HDAC4: variants seen among roughly 807,000 people sequenced by gnomAD.
The protein encoded by HDAC4 is histone deacetylase 4, also known as histone deacetylase A.
Under a neutral mutation model 135.1 loss-of-function variants are expected in HDAC4, and 16 were observed. That is an observed-to-expected ratio of 0.12 (90% confidence interval 0.08 to 0.18). The LOEUF (loss-of-function observed/expected upper bound fraction) is 0.18, where lower values mean the gene tolerates loss of function less well. HDAC4 is among the 10% of genes least tolerant of loss of function. HDAC4 has a pLI of 1.00. For synonymous variants in HDAC4, 685 were observed against 653.4 expected (o/e 1.05, Z -0.74); for missense variants, 1,143 against 1,511.8 (o/e 0.76, Z 4.05).
At chr2:239,219,157 GAC>G (rs900731769) in intron 3 of HDAC4, among the ~76,000 whole-genome samples, 2 of 148,010 alleles carry the variant, frequency 1.4e-5, no homozygotes, top group African/African-American at 5.0e-5. Flanking sequence ...CTGCTATAAA[GAC>G]ACATGCACAC....
chr2:239,303,975 C>A lies in HDAC4; in HGVS notation c.22+48703G>T, dbSNP rs762465822. On this transcript the variant is annotated intron_variant, in intron 2 of 26. Transcript: ENST00000543185. This position sits in a 1 kb window ranked among gnomAD's most constrained non-coding sequence, Gnocchi z 5.1. ...CAGGCCTCACCAGTCTTCATCTCAG[C>A]CCGCCAGGTCCTCTCGAGCCCCTGG... Among the ~76,000 whole-genome samples the A allele has an allele frequency of 2.2e-4, 33 of 152,302 alleles. 1 individual carries two copies. The highest frequency in any genetic ancestry group is 6.8e-3 in the Middle Eastern group (2 of 294).
intron 2 of HDAC4, among the ~76,000 whole-genome samples, chr2:239,255,692 T>G (rs1374355855): frequency 6.6e-6 from 1 of 152,190 alleles, no homozygotes; most frequent in East Asian, 1.9e-4. Flanking sequence ...TGAGTAACTC[T>G]GCACAACTCT....
intron 9 of HDAC4, among the ~76,000 whole-genome samples, chr2:239,138,612 C>A (rs11675700): frequency 0.13 from 19,404 of 152,250 alleles, 1,564 homozygotes; most frequent in Non-Finnish European, 0.18. Flanking sequence ...ACCCCTCCCA[C>A]CCCTGCCCTG....
intron 6 of HDAC4, among the ~76,000 whole-genome samples, chr2:239,157,205 A>C (rs951148565): frequency 2.0e-5 from 3 of 152,358 alleles, no homozygotes; most frequent in Admixed American, 6.5e-5. Flanking sequence ...TAGGCAGCTG[A>C]GACGGGGCAA....
chr2:239,367,660 C>T (rs1460734933), intron 1 of HDAC4, among the ~76,000 whole-genome samples: 2 of 152,122 alleles, frequency 1.3e-5, no homozygotes, highest in Admixed American at 6.5e-5. Flanking sequence ...ATGAAATTAC[C>T]TTCACATTAT....
At chr2:239,144,836 GCTGC>G in intron 7 of HDAC4, 122 bp from the exon 8 acceptor site, 1 of 972,342 alleles carries the variant, frequency 1.0e-6, no homozygotes, top group Non-Finnish European at 1.6e-6. Context: ...CTGCTGTGTT[GCTGC>G]AGGGGAGAGC....
rs1046042413 is a variant in HDAC4 at position 239,400,827 on chromosome 2, G to A, written c.-220+151C>T. The A allele has an allele frequency of 4.1e-5, 6 of 145,958 alleles. No individual in the cohort carries two copies. 9.0% of individuals were successfully genotyped at this position (145,958 alleles called of 1,614,324 possible). A position where few individuals can be genotyped will look rare whatever the true frequency, so the allele number is the denominator to read the frequency against. ...GCCGGGACGCGGCCACGGCGCCGCCGGGGGCCCAGGCTGGGAGGCTGTTCG... is the reference window on the plus strand; with the variant it reads ...GCCGGGACGCGGCCACGGCGCCGCCAGGGGCCCAGGCTGGGAGGCTGTTCG... On this transcript the variant is annotated intron_variant, in intron 1 of 26. Coordinates refer to ENST00000543185, the MANE Select transcript of HDAC4 (RefSeq NM_001378414.1). This position sits in a 1 kb window ranked among gnomAD's most constrained non-coding sequence, Gnocchi z 4.7.
intron 3 of HDAC4, among the ~76,000 whole-genome samples, chr2:239,200,273 C>T (rs74000505): frequency 0.035 from 5,290 of 152,224 alleles, 312 homozygotes; most frequent in African/African-American, 0.12. Context: ...AACGCCTGAA[C>T]GGTCATAACT....
intron 2 of HDAC4, among the ~76,000 whole-genome samples, chr2:239,322,305 C>G (rs960357883): frequency 6.6e-6 from 1 of 152,270 alleles, no homozygotes; most frequent in East Asian, 1.9e-4. Context: ...AAGCCTTACA[C>G]TTCAGAGCGC....
chr2:239,210,161 T>C (rs989270208), intron 3 of HDAC4, among the ~76,000 whole-genome samples: 2 of 152,190 alleles, frequency 1.3e-5, no homozygotes, highest in Non-Finnish European at 2.9e-5. Context: ...ATATTCATTA[T>C]AGCAGCATTA....
chr2:239,049,655 C>A lies in HDAC4; in HGVS notation c.*3442G>T, dbSNP rs2030521978. The A allele has an allele frequency of 6.6e-6, 1 of 152,500 alleles. No individual in the cohort carries two copies. The highest frequency in any genetic ancestry group is 2.1e-4 in the South Asian group (1 of 4,836). The allele number at this position is 152,500 out of a possible 1,614,324, so 9.4% of individuals were successfully genotyped here. A position where few individuals can be genotyped will look rare whatever the true frequency, so the allele number is the denominator to read the frequency against. On this transcript the variant is annotated 3_prime_UTR_variant, in exon 27 of 27. Coordinates refer to ENST00000543185, the MANE Select transcript of HDAC4 (RefSeq NM_001378414.1). The stretch of plus-strand genomic sequence containing the variant: ...AATCAAACTTGCTTTTGTGTCAGAC[C>A]ATTACGAAATGGTCCTTCCCCTTGC...
At chr2:239,089,369 C>T (rs2036279205) in intron 18 of HDAC4, among the ~76,000 whole-genome samples, 1 of 152,152 alleles carries the variant, frequency 6.6e-6, no homozygotes, top group Non-Finnish European at 1.5e-5. Context: ...CACTCTGTCA[C>T]CCAGGCTGGA....
chr2:239,061,933 C>T (rs962732475), intron 24 of HDAC4, among the ~76,000 whole-genome samples: 3 of 152,216 alleles, frequency 2.0e-5, no homozygotes, highest in African/African-American at 7.2e-5. Context: ...CTGCTTTGGG[C>T]ATGGTCTCAG....
chr2:239,363,931 A>G (rs577991366), intron 1 of HDAC4, among the ~76,000 whole-genome samples: 2 of 152,352 alleles, frequency 1.3e-5, no homozygotes, highest in Non-Finnish European at 2.9e-5. Context: ...GGTACTTTAC[A>G]AGACAGGATT....
intron 7 of HDAC4, among the ~76,000 whole-genome samples, chr2:239,154,204 G>A (rs1247633526): frequency 6.6e-6 from 1 of 152,042 alleles, no homozygotes; most frequent in African/African-American, 2.4e-5. Flanking sequence ...GGGAGTTTCT[G>A]GGAAGGCACG....
intron 2 of HDAC4, among the ~76,000 whole-genome samples, chr2:239,274,736 C>A (rs936865445): frequency 6.6e-6 from 1 of 152,134 alleles, no homozygotes; most frequent in African/African-American, 2.4e-5. Context: ...CGTGACTCAA[C>A]GGAGGGCAAG....
chr2:239,272,735 C>A (rs908127632), intron 2 of HDAC4, among the ~76,000 whole-genome samples: 1 of 152,228 alleles, frequency 6.6e-6, no homozygotes, highest in Non-Finnish European at 1.5e-5. Context: ...TGCACCCCTG[C>A]GCTGCTGCTG....
intron 3 of HDAC4, among the ~76,000 whole-genome samples, chr2:239,228,300 C>T (rs777601122): frequency 1.3e-4 from 20 of 152,340 alleles, no homozygotes; most frequent in Non-Finnish European, 2.5e-4. Context: ...GCCCCCATGT[C>T]TGCCAGGCTC....
intron 16 of HDAC4, among the ~76,000 whole-genome samples, chr2:239,096,018 C>G (rs185200749): frequency 9.9e-5 from 15 of 152,264 alleles, no homozygotes; most frequent in African/African-American, 3.6e-4. Context: ...GGCTGTACCC[C>G]CCGCTGTGGG....
Sources: gnomAD v4.1 joint callset for allele counts (sites outside exome capture counted in the v4.1 genomes callset) on GRCh38, gnomAD v4.1.1 for gene constraint, Gnocchi (gnomAD v3.1) non-coding constraint, MANE v1.5 for transcripts, NCBI Gene and HGNC (gene_info 2026-07-23, HGNC 2026-07-21) for gene names.